The following NHS variants were observed in gnomAD, a reference collection of about 807,000 sequenced individuals.
NHS encodes the protein NHS actin remodeling regulator.
Under a neutral mutation model 72.5 loss-of-function variants are expected in NHS, and 5 were observed. That is an observed-to-expected ratio of 0.07 (90% CI 0.04 to 0.14). The LOEUF (loss-of-function observed/expected upper bound fraction) is 0.14. Among genes scored for constraint, NHS ranks in the 10% least tolerant of loss-of-function variants. The pLI is 1.00. For synonymous variants in NHS, 464 were observed against 547.7 expected (o/e 0.85, Z 2.13); for missense variants, 1,072 against 1,355.7 (o/e 0.79, Z 3.29).
intron 1 of NHS, among the ~76,000 whole-genome samples, chrX:17,625,690 T>TA (rs1315875932): frequency 8.9e-6 from 1 of 112,361 alleles, no homozygotes; most frequent in African/African-American, 3.2e-5. Context: ...AGTAACCATT[T>TA]AAAAAATGCA....
At chrX:17,624,361 T>G (rs887821587) in intron 1 of NHS, among the ~76,000 whole-genome samples, 1 of 112,170 alleles carries the variant, frequency 8.9e-6, no homozygotes, top group Non-Finnish European at 1.9e-5. Flanking sequence ...ATCCAAATCA[T>G]ACAATTCAAG....
intron 1 of NHS, among the ~76,000 whole-genome samples, chrX:17,496,818 G>A (rs1393574861): frequency 8.9e-6 from 1 of 111,959 alleles, no homozygotes; most frequent in Admixed American, 9.5e-5. Context: ...CCACCCCCAG[G>A]ATCCCGCTTT....
intron 1 of NHS, among the ~76,000 whole-genome samples, chrX:17,426,999 G>C (rs2064660457): frequency 1.8e-5 from 2 of 111,831 alleles, no homozygotes. Flanking sequence ...TTCCAGCTTT[G>C]AGATTAATCT....
intron 1 of NHS, among the ~76,000 whole-genome samples, chrX:17,463,908 C>T (rs899984909): frequency 1.2e-4 from 14 of 112,229 alleles, no homozygotes; most frequent in African/African-American, 4.2e-4. Context: ...CTAGATCCTT[C>T]TTGGCCTCTC....
intron 1 of NHS, among the ~76,000 whole-genome samples, chrX:17,563,247 G>A (rs772034339): frequency 2.6e-4 from 29 of 112,755 alleles, no homozygotes; most frequent in African/African-American, 9.3e-4. Flanking sequence ...ATGATGATGA[G>A]ATGATGTCCT....
chrX:17,653,014 G>A (rs2065937576), intron 1 of NHS, among the ~76,000 whole-genome samples: 1 of 111,107 alleles, frequency 9.0e-6, no homozygotes, highest in Non-Finnish European at 1.9e-5. Flanking sequence ...ACAGTACCTG[G>A]CATCTGAGAG....
rs201932159 is a variant in NHS at position 17,564,969 on chromosome X, A to ATTTTTTTTTTT, written c.566-122764_566-122763insTTTTTTTTTTT. On this transcript the variant is annotated intron_variant, in intron 1 of 8. Coordinates refer to ENST00000676302, the MANE Select transcript of NHS (RefSeq NM_001291867.2). ...CCTGTGGCAAATTGGGTACAGCCACATTTTTTTTTATTTATTTTTTTTTTT... is the reference window on the plus strand; with the variant it reads ...CCTGTGGCAAATTGGGTACAGCCACATTTTTTTTTTTTTTTTTTTTATTTATTTTTTTTTTT... 2.0e-5 allele frequency among the ~76,000 whole-genome samples: 2 copies of ATTTTTTTTTTT among 99,944 alleles called. 1 individual carries two copies. Among genetic ancestry groups the ATTTTTTTTTTT allele is most frequent in the African/African-American group, 9.2e-5 (2 of 21,739 alleles). The allele number at this position is 99,944 out of a possible 115,157, so 86.8% of individuals were successfully genotyped here.
At chrX:17,624,300 C>T (rs1165262016) in intron 1 of NHS, among the ~76,000 whole-genome samples, 2 of 112,313 alleles carry the variant, frequency 1.8e-5, no homozygotes, top group African/African-American at 3.2e-5. Flanking sequence ...AATTAGTATT[C>T]GATTTCTTTT....
chrX:17,375,522 G>C lies in NHS; in HGVS notation c.-236G>C. The C allele has an allele frequency of 2.4e-6, 1 of 414,898 alleles. No homozygotes were observed. The highest frequency in any genetic ancestry group is 4.2e-6 in the Non-Finnish European group (1 of 239,674). 34.2% of individuals were successfully genotyped at this position (414,898 alleles called of 1,213,427 possible). A position where few individuals can be genotyped will look rare whatever the true frequency, so the allele number is the denominator to read the frequency against. The stretch of plus-strand genomic sequence containing the variant: ...GCACCCCTAAATTTCTGTGCGGAGC[G>C]CTTGTCATCCTCCCCAGGGAACGGT... On this transcript the variant is annotated 5_prime_UTR_variant, in exon 1 of 9. Transcript: ENST00000676302.
intron 1 of NHS, among the ~76,000 whole-genome samples, chrX:17,414,503 C>G (rs2064580772): frequency 8.9e-6 from 1 of 112,029 alleles, no homozygotes; most frequent in Admixed American, 9.5e-5. Flanking sequence ...AATGTTCCCT[C>G]CCTCCCCCGT....
intron 1 of NHS, among the ~76,000 whole-genome samples, chrX:17,464,464 G>A (rs2064862165): frequency 8.9e-6 from 1 of 112,155 alleles, no homozygotes; most frequent in Admixed American, 9.4e-5. Flanking sequence ...GCATAACAAT[G>A]AGAAGCCACA....
At chrX:17,722,369 T>C (rs1389386545) in intron 5 of NHS, among the ~76,000 whole-genome samples, 1 of 112,300 alleles carries the variant, frequency 8.9e-6, no homozygotes, top group Non-Finnish European at 1.9e-5. Context: ...GGTCTATCCA[T>C]TGGGCTTTCT....
chrX:17,530,104 C>T (rs1378802834), intron 1 of NHS, among the ~76,000 whole-genome samples: 2 of 110,359 alleles, frequency 1.8e-5, no homozygotes, highest in African/African-American at 3.3e-5. Flanking sequence ...CAAGTTGAAG[C>T]TAGTCAAACT....
At chrX:17,641,762 TA>T (rs760304131) in intron 1 of NHS, among the ~76,000 whole-genome samples, 7,055 of 96,177 alleles carry the variant, frequency 0.073, 611 homozygotes, top group African/African-American at 0.25. Flanking sequence ...TGTGTCTATT[TA>T]AAAAAAAAAA....
At chrX:17,376,469 C>T in intron 1 of NHS, 147 bp downstream of exon 1, 1 of 539,857 alleles carries the variant, frequency 1.9e-6, no homozygotes, top group South Asian at 2.9e-5. Flanking sequence ...CCTTCCCATC[C>T]CCTGGGACCC....
intron 1 of NHS, among the ~76,000 whole-genome samples, chrX:17,624,523 T>C (rs1811330880): frequency 8.8e-6 from 1 of 113,061 alleles, no homozygotes; most frequent in Admixed American, 9.3e-5. Context: ...TTTACCTGAT[T>C]TCTAACTTTA....
chrX:17,636,524 C>A (rs986516182), intron 1 of NHS, among the ~76,000 whole-genome samples: 2 of 112,482 alleles, frequency 1.8e-5, no homozygotes, highest in Non-Finnish European at 3.8e-5. Context: ...GCCAGTGTGA[C>A]AGTTGACGCT....
At chrX:17,723,766 T>TGTGTGTGC (rs1569318300) in intron 5 of NHS, among the ~76,000 whole-genome samples, 2 of 97,713 alleles carry the variant, frequency 2.0e-5, no homozygotes, top group Non-Finnish European at 4.0e-5. Flanking sequence ...TGTGTGTGTG[T>TGTGTGTGC]GTGTGCGCGC....
At chrX:17,439,291 C>CAT (rs985479073) in intron 1 of NHS, among the ~76,000 whole-genome samples, 1 of 110,544 alleles carries the variant, frequency 9.0e-6, no homozygotes, top group African/African-American at 3.3e-5. Flanking sequence ...ATAAAAATAT[C>CAT]ATATATATAT....
Sources: gnomAD v4.1 joint callset for allele counts (sites outside exome capture counted in the v4.1 genomes callset) on GRCh38, gnomAD v4.1.1 for gene constraint, MANE v1.5 for transcripts, NCBI Gene and HGNC (gene_info 2026-07-23, HGNC 2026-07-21) for gene names.